Variants in NIBAN2 observed in about 807,000 individuals in gnomAD.
The protein encoded by NIBAN2 is protein Niban 2.
In NIBAN2, 36 loss-of-function variants were observed where a neutral mutation model predicts 81.8. The ratio of observed to expected loss-of-function variants is 0.44; its 90% confidence interval spans 0.34 to 0.58. NIBAN2 has a LOEUF of 0.58. Among genes scored for constraint, NIBAN2 ranks in the 20% least tolerant of loss-of-function variants. The pLI is 0.02. For missense variants in NIBAN2, 897 were observed against 1,014.1 expected, an observed-to-expected ratio of 0.88 and a Z score of 1.57; for synonymous variants, 445 against 441.6, an observed-to-expected ratio of 1.01 and a Z score of -0.10.
At chr9:127,548,555 A>G (rs7854003) in intron 1 of NIBAN2, among the ~76,000 whole-genome samples, 27,215 of 152,190 alleles carry the variant, frequency 0.18, 2,800 homozygotes, top group Admixed American at 0.3. Context: ...CTTTGTTGTC[A>G]CCAGTCCCTG....
At position 127,536,938 on chromosome 9, in the gene NIBAN2, T is replaced by A. The variant is rs1348974626; in HGVS notation, c.56-5160A>T. Among the ~76,000 whole-genome samples the A allele has an allele frequency of 1.3e-5, 2 of 152,212 alleles. No homozygotes were observed. The highest frequency in any genetic ancestry group is 1.5e-5 in the Non-Finnish European group (1 of 68,034). On this transcript the variant is annotated intron_variant, in intron 1 of 13. Transcript: ENST00000373312. This position sits in a 1 kb window ranked among gnomAD's most constrained non-coding sequence, Gnocchi z 4.0. ...GGCCCAGGAACTGGGGGGCTCCAGC[T>A]GGTGGTAGAAATCACTCGCTTCTGT...
intron 1 of NIBAN2, among the ~76,000 whole-genome samples, chr9:127,539,051 TAGTA>T (rs1330709627): frequency 6.6e-6 from 1 of 151,718 alleles, no homozygotes; most frequent in Non-Finnish European, 1.5e-5. Context: ...GGACATCTCA[TAGTA>T]AGAAAAATTA....
In NIBAN2 at chr9:127,506,685, A is replaced by G; in HGVS notation, c.*160T>C. On this transcript the variant is annotated 3_prime_UTR_variant, in exon 14 of 14. Coordinates refer to ENST00000373312, the MANE Select transcript of NIBAN2 (RefSeq NM_022833.4). ...AGCAAGAAAGTGTTGACTGAACCCAATAAAGTGACTCAGGTGGGCCCGCTC... is the reference window on the plus strand; with the variant it reads ...AGCAAGAAAGTGTTGACTGAACCCAGTAAAGTGACTCAGGTGGGCCCGCTC... 5.7e-6 allele frequency: 3 copies of G among 529,148 alleles called. No homozygotes were observed. The highest frequency in any genetic ancestry group is 6.5e-6 in the Non-Finnish European group (2 of 306,434). The allele number at this position is 529,148 out of a possible 1,614,324, so 32.8% of individuals were successfully genotyped here.
intron 1 of NIBAN2, among the ~76,000 whole-genome samples, chr9:127,534,608 G>A (rs898985121): frequency 1.3e-5 from 2 of 152,148 alleles, no homozygotes; most frequent in African/African-American, 4.8e-5. Flanking sequence ...CCTCAGTGAT[G>A]GGGGTGGAGG....
chr9:127,561,072 T>A (rs931733810), intron 1 of NIBAN2: 2 of 961,630 alleles, frequency 2.1e-6, no homozygotes, highest in Non-Finnish European at 2.5e-6. Flanking sequence ...CATGTTCCCA[T>A]CCATCTTCTA....
chr9:127,533,501 C>T (rs898145109), intron 1 of NIBAN2, among the ~76,000 whole-genome samples: 1 of 151,864 alleles, frequency 6.6e-6, no homozygotes, highest in Admixed American at 6.6e-5. Flanking sequence ...GGTGTGGTGG[C>T]GTGTGCCTGT....
Position 127,552,695 on chromosome 9 carries a change from T to TTG in NIBAN2, c.55+16124_55+16125insCA, listed in dbSNP as rs1554768669. ...GTAATGGAATATTCGTTTTTTTTTTTTTTTTTTTTTTGAGACAGAGTCTTG... is the reference window on the plus strand; with the variant it reads ...GTAATGGAATATTCGTTTTTTTTTTTTGTTTTTTTTTTTGAGACAGAGTCTTG... On this transcript the variant is annotated intron_variant, in intron 1 of 13. Coordinates refer to ENST00000373312, the MANE Select transcript of NIBAN2 (RefSeq NM_022833.4). Among the ~76,000 whole-genome samples, 225 of 141,880 alleles carry TTG rather than the reference T, an allele frequency of 1.6e-3. 1 individual carries two copies. The highest frequency in any genetic ancestry group is 5.7e-3 in the African/African-American group (215 of 37,834). The allele number at this position is 141,880 out of a possible 152,430, so 93.1% of individuals were successfully genotyped here. A position where few individuals can be genotyped will look rare whatever the true frequency, so the allele number is the denominator to read the frequency against.
intron 1 of NIBAN2, among the ~76,000 whole-genome samples, chr9:127,554,548 C>CTTT (rs1230242603): frequency 2.1e-4 from 22 of 103,694 alleles, no homozygotes; most frequent in South Asian, 3.6e-4. Flanking sequence ...TTTTCTTTTT[C>CTTT]TTTTTTTTTT....
chr9:127,506,892 G>A lies in NIBAN2; in HGVS notation c.2194C>T (p.Leu732Phe). The A allele has an allele frequency of 6.2e-7, 1 of 1,612,588 alleles. No individual in the cohort carries two copies. The highest frequency in any genetic ancestry group is 8.5e-7 in the Non-Finnish European group (1 of 1,179,496). Reference sequence around the variant, plus strand: ...GCACTGTCCTCGGTGGTGGTGTGGAGGGCGGGGTGGCTGCTGGGGCTGGAC... The same window carrying A: ...GCACTGTCCTCGGTGGTGGTGTGGAAGGCGGGGTGGCTGCTGGGGCTGGAC... ...QVSSPSSHPA[L>F]HTTTEDSAGV... Residue 732 changes from leucine (L) to phenylalanine (F), a missense_variant, in exon 14 of 14, where the codon CTC becomes TTC. By Grantham distance (22) the Leu-to-Phe change is conservative. Around this residue, in one of 3 missense-constraint regions of NIBAN2, gnomAD observed 619 missense variants for 691.0 expected, o/e 0.90. Transcript: ENST00000373312.
chr9:127,522,984 A>G (rs1020228831), intron 5 of NIBAN2, among the ~76,000 whole-genome samples: 2 of 151,150 alleles, frequency 1.3e-5, no homozygotes, highest in Non-Finnish European at 2.9e-5. Flanking sequence ...GAGGGCAGGG[A>G]ATGTTTCTTG....
chr9:127,561,990 C>T (rs571957113), intron 1 of NIBAN2, among the ~76,000 whole-genome samples: 4 of 152,118 alleles, frequency 2.6e-5, no homozygotes, highest in Non-Finnish European at 5.9e-5. Flanking sequence ...TTTCTGCAAC[C>T]GCAGGATGAT....
In NIBAN2 at chr9:127,519,253, T is replaced by G. The variant is rs570097717; in HGVS notation, c.590-1312A>C. The stretch of plus-strand genomic sequence containing the variant: ...GCTAGAAGAACACCATTTCTGAATT[T>G]TTGTCACTGTTGGTGCTGTCAGTGG... On this transcript the variant is annotated intron_variant, in intron 5 of 13. Transcript: ENST00000373312. Among the ~76,000 whole-genome samples the G allele has an allele frequency of 3.9e-5, 6 of 152,052 alleles. No individual in the cohort carries two copies. The South Asian group carries it at 1.3e-3, about 32-fold the overall frequency.
intron 2 of NIBAN2, among the ~76,000 whole-genome samples, chr9:127,527,724 C>T (rs551627794): frequency 2.6e-5 from 4 of 152,318 alleles, no homozygotes; most frequent in Admixed American, 6.5e-5. Flanking sequence ...GCCCCGAGGT[C>T]GCTCCGGGCA....
Position 127,507,241 on chromosome 9 carries a change from C to T in NIBAN2, c.1845G>A (p.Lys615=). The T allele has an allele frequency of 1.9e-6, 3 of 1,610,776 alleles. No individual in the cohort carries two copies. The highest frequency in any genetic ancestry group is 2.2e-5 in the East Asian group (1 of 44,752). ...AGACCACCTGCTTGGCGCGCCGTCG[C>T]TTTTCCGAGAGGGTGGCTGACTCCG... The part of the protein sequence containing the change: ...STPESATLSE[K]RRRAKQVVSV... Residue 615 remains lysine, a synonymous_variant, in exon 14 of 14, where the codon AAG becomes AAA. Coordinates refer to ENST00000373312, the MANE Select transcript of NIBAN2 (RefSeq NM_022833.4). This position sits in a 1 kb window ranked among gnomAD's most constrained non-coding sequence, Gnocchi z 6.8.
chr9:127,511,210 A>AT (rs949988881), intron 8 of NIBAN2, among the ~76,000 whole-genome samples: 68 of 151,050 alleles, frequency 4.5e-4, no homozygotes, highest in South Asian at 1.5e-3. Flanking sequence ...ATGCCCGGTG[A>AT]TTTTTTTTTG....
At chr9:127,543,395 G>A (rs1183008988) in intron 1 of NIBAN2, among the ~76,000 whole-genome samples, 1 of 152,194 alleles carries the variant, frequency 6.6e-6, no homozygotes, top group Non-Finnish European at 1.5e-5. Flanking sequence ...TCAGCCGGCT[G>A]TCAAGCAGGG....
chr9:127,568,804 G>A lies in NIBAN2; in HGVS notation c.55+16C>T. 5 of 1,307,188 alleles carry A rather than the reference G, an allele frequency of 3.8e-6. No homozygotes were observed. The highest frequency in any genetic ancestry group is 3.9e-6 in the Non-Finnish European group (4 of 1,027,150). 81.0% of individuals were successfully genotyped at this position (1,307,188 alleles called of 1,614,324 possible). A position where few individuals can be genotyped will look rare whatever the true frequency, so the allele number is the denominator to read the frequency against. ...CGGCAGGCCCCTGGGCGCGCGTGGC[G>A]CGGCGCGACCCTCACCTGCGATGTG... On this transcript the variant is annotated intron_variant, in intron 1 of 13. Coordinates refer to ENST00000373312, the MANE Select transcript of NIBAN2 (RefSeq NM_022833.4).
chr9:127,514,870 T>C (rs1382406869), intron 8 of NIBAN2, among the ~76,000 whole-genome samples: 2 of 152,114 alleles, frequency 1.3e-5, no homozygotes, highest in East Asian at 3.9e-4. Flanking sequence ...TAGTAAAGAA[T>C]AACCTACAGG....
In NIBAN2 at chr9:127,545,720, G is replaced by A. The variant is rs1837459136; in HGVS notation, c.56-13942C>T. Reference sequence around the variant, plus strand: ...GGGAGGAGAGGGCGGGGCTGAGGCGGGAGCCCAGAGAAATGCACCCAAAAA... The same window carrying A: ...GGGAGGAGAGGGCGGGGCTGAGGCGAGAGCCCAGAGAAATGCACCCAAAAA... On this transcript the variant is annotated intron_variant, in intron 1 of 13. Transcript: ENST00000373312. This position sits in a 1 kb window ranked among gnomAD's most constrained non-coding sequence, Gnocchi z 4.7. 6.6e-6 allele frequency among the ~76,000 whole-genome samples: 1 copy of A among 152,224 alleles called. No individual in the cohort carries two copies. The highest frequency in any genetic ancestry group is 1.5e-5 in the Non-Finnish European group (1 of 68,040).
Sources: allele counts gnomAD v4.1 joint callset (sites outside exome capture counted in the v4.1 genomes callset), GRCh38; gene constraint gnomAD v4.1.1; regional missense constraint gnomAD v4.1.1; non-coding constraint Gnocchi (gnomAD v3.1); transcripts MANE v1.5; gene names NCBI Gene and HGNC (gene_info 2026-07-23, HGNC 2026-07-21).